Variants in PDCD6 observed in about 807,000 individuals in gnomAD.
PDCD6 encodes the protein programmed cell death 6.
PDCD6 carries 12 observed loss-of-function variants against 28.3 expected under a neutral mutation model. That is an observed-to-expected ratio of 0.42 (90% CI 0.27 to 0.69). The LOEUF (loss-of-function observed/expected upper bound fraction) is 0.69. Ranked by LOEUF, PDCD6 falls within the 30% of genes least tolerant of loss-of-function variation. PDCD6 has a pLI of 0.22. For missense variants in PDCD6, 226 were observed against 269.9 expected (o/e 0.84, Z 1.14); for synonymous variants, 92 against 108.0 (o/e 0.85, Z 0.92).
At chr5:277,713 C>T (rs1200720279) in intron 2 of PDCD6, among the ~76,000 whole-genome samples, 6 of 152,046 alleles carry the variant, frequency 3.9e-5, no homozygotes, top group African/African-American at 1.4e-4. Context: ...GGATTACGGG[C>T]GTGAGCCAGG....
At chr5:273,202 G>A in intron 2 of PDCD6, 1 of 182,470 alleles carries the variant, frequency 5.5e-6, no homozygotes, top group East Asian at 1.3e-4. Context: ...GGCAGCCCTT[G>A]TATGGGAATG....
At chr5:292,096 C>T (rs923106650) in intron 2 of PDCD6, among the ~76,000 whole-genome samples, 4 of 152,104 alleles carry the variant, frequency 2.6e-5, no homozygotes, top group Middle Eastern at 3.2e-3. Flanking sequence ...GGATTTTTGC[C>T]CATCTGGTGG....
At chr5:283,644 G>A (rs1174119667) in intron 2 of PDCD6, among the ~76,000 whole-genome samples, 8 of 151,422 alleles carry the variant, frequency 5.3e-5, no homozygotes, top group South Asian at 4.2e-4. Context: ...CTGAAGACTC[G>A]GAGAGGAGCT....
chr5:277,889 T>G (rs1457919897), intron 2 of PDCD6, among the ~76,000 whole-genome samples: 7 of 113,226 alleles, frequency 6.2e-5, no homozygotes, highest in African/African-American at 2.6e-4. Flanking sequence ...CACTCCAGCC[T>G]GGGGGGCAGT....
intron 2 of PDCD6, chr5:276,115 G>T (rs1356635181): frequency 2.0e-6 from 2 of 981,822 alleles, no homozygotes; most frequent in Non-Finnish European, 2.8e-6. Flanking sequence ...TGTATTCCCA[G>T]CTACTTGGGA....
chr5:298,196 C>A (rs1739743727), intron 2 of PDCD6, among the ~76,000 whole-genome samples: 1 of 152,164 alleles, frequency 6.6e-6, no homozygotes, highest in African/African-American at 2.4e-5. Context: ...GCCCCCATAG[C>A]CCCACTGTCC....
chr5:314,129 G>A (rs1373067744), intron 5 of PDCD6, among the ~76,000 whole-genome samples: 1 of 152,238 alleles, frequency 6.6e-6, no homozygotes, highest in East Asian at 1.9e-4. Flanking sequence ...AAGGGCCCAG[G>A]CCCCCAGGAG....
chr5:312,565 C>A (rs1740989398), intron 5 of PDCD6, among the ~76,000 whole-genome samples: 1 of 152,146 alleles, frequency 6.6e-6, no homozygotes, highest in African/African-American at 2.4e-5. Flanking sequence ...CTTCAAAACT[C>A]TACGGTTGGG....
At chr5:287,720 T>C (rs906540210) in intron 2 of PDCD6, among the ~76,000 whole-genome samples, 10 of 152,186 alleles carry the variant, frequency 6.6e-5, no homozygotes, top group African/African-American at 2.4e-4. Flanking sequence ...CAAAATGTCA[T>C]ACAAATTATG....
intron 2 of PDCD6, among the ~76,000 whole-genome samples, chr5:283,843 A>T (rs954498529): frequency 1.4e-4 from 20 of 144,586 alleles, no homozygotes; most frequent in Non-Finnish European, 1.9e-4. Flanking sequence ...AGAGGAGCTG[A>T]TGTTCTAGAT....
intron 2 of PDCD6, chr5:288,754 G>A: frequency 1.6e-6 from 1 of 623,156 alleles, no homozygotes; most frequent in Non-Finnish European, 2.5e-6. Context: ...ACTAAACGTG[G>A]ACTTTTTTAC....
chr5:289,160 A>C, intron 2 of PDCD6: 1 of 1,028,556 alleles, frequency 9.7e-7, no homozygotes. Context: ...AAGACTCTAA[A>C]AATAAGCAAA....
In PDCD6 at chr5:275,755, C is replaced by T. The variant is rs111577471; in HGVS notation, c.163+2983C>T. On this transcript the variant is annotated intron_variant, in intron 2 of 5. Transcript: ENST00000264933. ...GGGCATTGCTGTCGGTGCTCCCTTT[C>T]CGGGTTACCTGTGGTAGCTCTCAAG... is the stretch of plus-strand genomic sequence containing the variant. Among the ~76,000 whole-genome samples the T allele has an allele frequency of 9.5e-3, 1,444 of 152,344 alleles. 32 individuals are homozygous for T. The highest frequency in any genetic ancestry group is 0.033 in the African/African-American group (1,381 of 41,580).
intron 2 of PDCD6, among the ~76,000 whole-genome samples, chr5:301,413 G>A (rs534024582): frequency 6.6e-6 from 1 of 152,306 alleles, no homozygotes; most frequent in South Asian, 2.1e-4. Flanking sequence ...TTTGCCTTGT[G>A]GGTTTTCTGT....
At chr5:277,611 T>A (rs1561030206) in intron 2 of PDCD6, among the ~76,000 whole-genome samples, 1 of 152,086 alleles carries the variant, frequency 6.6e-6, no homozygotes, top group Non-Finnish European at 1.5e-5. Flanking sequence ...ATTTTTTGTA[T>A]TTTTAGTACA....
At chr5:276,402 C>T in intron 2 of PDCD6, 1 of 991,124 alleles carries the variant, frequency 1.0e-6, no homozygotes, top group Non-Finnish European at 1.2e-6. Context: ...GTTGTATGTA[C>T]AGGCACACAA....
intron 2 of PDCD6, among the ~76,000 whole-genome samples, chr5:302,080 G>T (rs1365940413): frequency 3.1e-5 from 3 of 98,184 alleles, no homozygotes; most frequent in Non-Finnish European, 7.3e-5. Context: ...CTGTGTGTGT[G>T]TGTGTGTGTG....
rs367679774 is a variant in PDCD6 at position 303,185 on chromosome 5, G to A, written c.164-992G>A. Among the ~76,000 whole-genome samples, 13 of 152,144 alleles carry A rather than the reference G, an allele frequency of 8.5e-5. No homozygotes were observed. In the South Asian group the frequency reaches 2.7e-3, roughly 32 times the overall value. On this transcript the variant is annotated intron_variant, in intron 2 of 5. Coordinates refer to ENST00000264933, the MANE Select transcript of PDCD6 (RefSeq NM_013232.4). ...AGAGTGGTGGCACGTAGAGGCCTAA[G>A]GGACCATGCCAGCAGACCCCACCGC... is the stretch of plus-strand genomic sequence containing the variant.
At chr5:289,704 A>G (rs968819577) in intron 2 of PDCD6, 18 of 890,670 alleles carry the variant, frequency 2.0e-5, no homozygotes, top group African/African-American at 9.8e-5. Context: ...TTTTCTCTTC[A>G]TTTTGCTGCA....
Sources: allele counts gnomAD v4.1 joint callset (sites outside exome capture counted in the v4.1 genomes callset), GRCh38; gene constraint gnomAD v4.1.1; transcripts MANE v1.5; gene names NCBI Gene and HGNC (gene_info 2026-07-23, HGNC 2026-07-21).